Variants in CRIM1 observed in about 807,000 individuals in gnomAD.
The protein encoded by CRIM1 is cysteine-rich motor neuron 1 protein.
CRIM1 carries 32 observed loss-of-function variants against 116.4 expected under a neutral mutation model. The ratio of observed to expected loss-of-function variants is 0.27; its 90% CI spans 0.21 to 0.37. The LOEUF (loss-of-function observed/expected upper bound fraction) is 0.37. Ranked by LOEUF, CRIM1 falls within the 10% of genes least tolerant of loss-of-function variation. CRIM1 has a pLI of 1.00. For missense variants in CRIM1, 1,331 were observed against 1,354.8 expected, an observed-to-expected ratio of 0.98 and a Z score of 0.28; for synonymous variants, 590 against 509.2, an observed-to-expected ratio of 1.16 and a Z score of -2.13.
Position 36,447,459 on chromosome 2 carries a change from T to C in CRIM1, c.869+4724T>C, listed in dbSNP as rs1021372465. Among the ~76,000 whole-genome samples, 6 of 152,216 alleles carry C rather than the reference T, an allele frequency of 3.9e-5. No individual in the cohort carries two copies. The South Asian group carries it at 1.2e-3, about 32-fold the overall frequency. On this transcript the variant is annotated intron_variant, in intron 4 of 16. Coordinates refer to ENST00000280527, the MANE Select transcript of CRIM1 (RefSeq NM_016441.3). Reference sequence around the variant, plus strand: ...AATGACAAAGATTTATTCTTTGTCCTGATTCTGTGTGTTGACTGAGCAGTT... The same window carrying C: ...AATGACAAAGATTTATTCTTTGTCCCGATTCTGTGTGTTGACTGAGCAGTT...
chr2:36,374,061 G>GGTGTTA (rs1296510615), intron 1 of CRIM1, among the ~76,000 whole-genome samples: 2 of 152,158 alleles, frequency 1.3e-5, no homozygotes, highest in East Asian at 3.9e-4. Flanking sequence ...GCACCTACCA[G>GGTGTTA]GTTTATAGTT....
chr2:36,508,120 A>C (rs1045164340), intron 8 of CRIM1, among the ~76,000 whole-genome samples: 1 of 152,232 alleles, frequency 6.6e-6, no homozygotes. Context: ...ATATAATTAC[A>C]AATTTCTAAA....
At chr2:36,516,044 A>C (rs1033312903) in intron 11 of CRIM1, among the ~76,000 whole-genome samples, 2 of 152,192 alleles carry the variant, frequency 1.3e-5, no homozygotes, top group Admixed American at 1.3e-4. Context: ...ATTGATGAGT[A>C]TCAGTTTTCT....
chr2:36,524,842 TATTCCA>T (rs1665646608), intron 13 of CRIM1, among the ~76,000 whole-genome samples: 1 of 152,240 alleles, frequency 6.6e-6, no homozygotes, highest in Non-Finnish European at 1.5e-5. Context: ...TCATACTTTC[TATTCCA>T]ATTCCTGCAT....
At chr2:36,518,285 C>A (rs1336534392) in intron 12 of CRIM1, among the ~76,000 whole-genome samples, 1 of 152,194 alleles carries the variant, frequency 6.6e-6, no homozygotes, top group Non-Finnish European at 1.5e-5. Flanking sequence ...ATCAAGTTGA[C>A]AGGACTAGTT....
At chr2:36,515,093 C>T (rs900719007) in intron 11 of CRIM1, among the ~76,000 whole-genome samples, 2 of 152,134 alleles carry the variant, frequency 1.3e-5, no homozygotes, top group Non-Finnish European at 2.9e-5. Context: ...TCTGTGTTGA[C>T]TCTTTGGGGA....
intron 1 of CRIM1, among the ~76,000 whole-genome samples, chr2:36,376,386 G>A (rs1670322197): frequency 6.6e-6 from 1 of 152,252 alleles, no homozygotes; most frequent in Non-Finnish European, 1.5e-5. Context: ...TGAGGAGAAT[G>A]TTTAAACAGT....
chr2:36,543,289 A>T (rs1667080145), intron 14 of CRIM1, among the ~76,000 whole-genome samples: 1 of 152,048 alleles, frequency 6.6e-6, no homozygotes, highest in South Asian at 2.1e-4. Context: ...CTTAGCAAGT[A>T]CTCTCTTCTC....
chr2:36,483,036 C>T (rs938736241), intron 7 of CRIM1, among the ~76,000 whole-genome samples: 1 of 152,178 alleles, frequency 6.6e-6, no homozygotes, highest in Non-Finnish European at 1.5e-5. Context: ...TAAATTGGCA[C>T]TTAAGTACTC....
At chr2:36,378,144 G>A (rs889206663) in intron 1 of CRIM1, among the ~76,000 whole-genome samples, 1 of 152,210 alleles carries the variant, frequency 6.6e-6, no homozygotes, top group Non-Finnish European at 1.5e-5. Flanking sequence ...GGCGATAGAT[G>A]GGTAGATAGA....
At position 36,499,479 on chromosome 2, in the gene CRIM1, G is replaced by T. The variant is rs1680837905; in HGVS notation, c.1501+132G>T. ...ACAACCTGAAAAAAAGGGGAAAAAA[G>T]TTATTTTTAACACAAACAAATACAT... On this transcript the variant is annotated intron_variant, in intron 8 of 16. Transcript: ENST00000280527. The T allele has an allele frequency of 6.5e-6, 6 of 921,104 alleles. No homozygotes were observed. The South Asian group carries it at 1.0e-4, about 16-fold the overall frequency. 57.1% of individuals were successfully genotyped at this position (921,104 alleles called of 1,614,324 possible). A position where few individuals can be genotyped will look rare whatever the true frequency, so the allele number is the denominator to read the frequency against.
intron 8 of CRIM1, among the ~76,000 whole-genome samples, chr2:36,500,542 C>G (rs1680913078): frequency 6.6e-6 from 1 of 152,020 alleles, no homozygotes; most frequent in African/African-American, 2.4e-5. Flanking sequence ...GATATAAATA[C>G]CCGGCCAAAT....
At chr2:36,498,824 A>G (rs1232642449) in intron 7 of CRIM1, among the ~76,000 whole-genome samples, 1 of 152,248 alleles carries the variant, frequency 6.6e-6, no homozygotes, top group Admixed American at 6.5e-5. Flanking sequence ...GAGATAATTG[A>G]TAGTTGACAG....
rs968727998 is a variant in CRIM1 at position 36,355,807 on chromosome 2, G to C, written c.-486G>C. ...GTGAGGCGAGCGGGGCGCGCGGAGC[G>C]GACGCCGCGGATCTTGTGCTGCGCC... On this transcript the variant is annotated 5_prime_UTR_variant, in exon 1 of 17. Coordinates refer to ENST00000280527, the MANE Select transcript of CRIM1 (RefSeq NM_016441.3). 3.9e-4 allele frequency: 60 copies of C among 151,920 alleles called. No homozygotes were observed. The highest frequency in any genetic ancestry group is 1.4e-3 in the African/African-American group (59 of 41,508). The allele number at this position is 151,920 out of a possible 1,614,324, so 9.4% of individuals were successfully genotyped here.
intron 1 of CRIM1, among the ~76,000 whole-genome samples, chr2:36,391,596 A>G (rs961513735): frequency 6.6e-6 from 1 of 152,172 alleles, no homozygotes; most frequent in Non-Finnish European, 1.5e-5. Flanking sequence ...TAGAAGAGGT[A>G]CCCAGCATTC....
intron 13 of CRIM1, among the ~76,000 whole-genome samples, chr2:36,533,082 C>G (rs1666223453): frequency 6.6e-6 from 1 of 152,132 alleles, no homozygotes; most frequent in Non-Finnish European, 1.5e-5. Context: ...AGGCTGAGTG[C>G]TTAAAATACA....
chr2:36,547,094 A>C lies in CRIM1; in HGVS notation c.2857A>C (p.Ile953Leu). ...GGTTCCCATAATTATATGCCTCTCT[A>C]TTATAATAGCATTCCTATTCATCAA... ...VVVPIIICLS[I>L]IIAFLFINQK... Residue 953 changes from isoleucine to leucine, a missense_variant, in exon 16 of 17, where the codon ATT (isoleucine) becomes CTT (leucine). By Grantham distance (5) the Ile-to-Leu change is conservative (BLOSUM62 2). Coordinates refer to ENST00000280527, the MANE Select transcript of CRIM1 (RefSeq NM_016441.3). The C allele has an allele frequency of 6.2e-7, 1 of 1,612,036 alleles. No homozygotes were observed. The highest frequency in any genetic ancestry group is 8.5e-7 in the Non-Finnish European group (1 of 1,178,260).
At chr2:36,451,992 G>C (rs1676768892) in intron 4 of CRIM1, among the ~76,000 whole-genome samples, 1 of 152,084 alleles carries the variant, frequency 6.6e-6, no homozygotes, top group Non-Finnish European at 1.5e-5. Context: ...AAGCTAACCA[G>C]TTTTAACTAT....
chr2:36,521,955 T>G (rs1665422842), intron 12 of CRIM1, 137 bp from the exon 13 acceptor site: 1 of 673,380 alleles, frequency 1.5e-6, no homozygotes, highest in African/African-American at 1.8e-5. Flanking sequence ...GAATCATACT[T>G]TCTGATTTGT....
Sources: allele counts gnomAD v4.1 joint callset (sites outside exome capture counted in the v4.1 genomes callset), GRCh38; gene constraint gnomAD v4.1.1; transcripts MANE v1.5; gene names NCBI Gene and HGNC (gene_info 2026-07-23, HGNC 2026-07-21).